Variants in HERC1 observed in about 807,000 individuals in gnomAD.
HERC1 encodes the protein probable E3 ubiquitin-protein ligase HERC1.
Under a neutral mutation model 554.3 loss-of-function variants are expected in HERC1, and 160 were observed. The observed-to-expected ratio is 0.29, with a 90% CI of 0.25 to 0.33. HERC1 has a LOEUF of 0.33. Ranked by LOEUF, HERC1 falls within the 10% of genes least tolerant of loss-of-function variation. The pLI, the probability that HERC1 is intolerant of heterozygous loss-of-function variation, is 1.00. For missense variants in HERC1, 4,919 were observed against 5,918.5 expected (o/e 0.83, Z 5.54); for synonymous variants, 2,175 against 2,131.7 (o/e 1.02, Z -0.56).
At chr15:63,784,940 T>G (rs2076395154) in intron 1 of HERC1, among the ~76,000 whole-genome samples, 1 of 152,200 alleles carries the variant, frequency 6.6e-6, no homozygotes, top group Admixed American at 6.5e-5. Context: ...AAAGCATTTT[T>G]AAAGAAATCC....
In HERC1 at chr15:63,652,584, A is replaced by G. The variant is rs758771535; in HGVS notation, c.10291-43T>C. ...GGTAGTCTAATAATTTTCTATTCAA[A>G]TGATTTTATTATTTGAAAAAGTTGT... On this transcript the variant is annotated intron_variant, in intron 51 of 77. Coordinates refer to ENST00000443617, the MANE Select transcript of HERC1 (RefSeq NM_003922.4). 9 of 1,449,974 alleles carry G rather than the reference A, an allele frequency of 6.2e-6. No individual in the cohort carries two copies. The East Asian group carries it at 2.0e-4, about 32-fold the overall frequency. The allele number at this position is 1,449,974 out of a possible 1,614,324, so 89.8% of individuals were successfully genotyped here. A position where few individuals can be genotyped will look rare whatever the true frequency, so the allele number is the denominator to read the frequency against.
intron 74 of HERC1, among the ~76,000 whole-genome samples, chr15:63,620,712 T>C (rs910858904): frequency 6.6e-5 from 10 of 152,126 alleles, no homozygotes; most frequent in Admixed American, 2.0e-4. Context: ...GGATAGTTAG[T>C]TCTTCTTGTT....
At position 63,675,098 on chromosome 15, in the gene HERC1, G is replaced by T; in HGVS notation, c.7090C>A (p.Pro2364Thr). The change falls in exon 38 of 78, where the codon CCT becomes ACT. Residue 2364 changes from proline (P) to threonine (T), a missense_variant. Coordinates refer to ENST00000443617, the MANE Select transcript of HERC1 (RefSeq NM_003922.4). ...AGATTATACAATGGAGTATCACTAG[G>T]CGACCAAAAAGTTGGGAAGCTTTAA... is the stretch of plus-strand genomic sequence containing the variant. ...ITISFPTFWSPSDTPLYNLEP... is the reference protein window; with the variant it reads ...ITISFPTFWSTSDTPLYNLEP... 1 of 1,587,568 alleles carries T rather than the reference G, an allele frequency of 6.3e-7. No individual in the cohort carries two copies. The highest frequency in any genetic ancestry group is 1.4e-5 in the African/African-American group (1 of 73,822).
intron 71 of HERC1, 70 bp from the exon 72 acceptor site, chr15:63,624,397 T>TA (rs2152768397): frequency 7.1e-7 from 1 of 1,400,216 alleles, no homozygotes; most frequent in East Asian, 2.3e-5. Context: ...TTTTCACTTA[T>TA]AGAACATACA....
At chr15:63,635,547 C>A (rs1408021908) in intron 65 of HERC1, among the ~76,000 whole-genome samples, 1 of 152,168 alleles carries the variant, frequency 6.6e-6, no homozygotes, top group African/African-American at 2.4e-5. Flanking sequence ...TACAATCTTA[C>A]AATATGATTT....
chr15:63,758,611 T>C lies in HERC1; in HGVS notation c.1027-242A>G, dbSNP rs1488885067. Among the ~76,000 whole-genome samples the C allele has an allele frequency of 6.6e-6, 1 of 152,198 alleles. No individual in the cohort carries two copies. The highest frequency in any genetic ancestry group is 2.4e-5 in the African/African-American group (1 of 41,458). ...ATCCTTTAGCTAAACATTTTATTAC[T>C]GCATACAAAACACTGTAGAAAAACA... On this transcript the variant is annotated intron_variant, in intron 3 of 77. Transcript: ENST00000443617. The surrounding 1 kb of genome is among the most constrained non-coding windows in gnomAD (Gnocchi z 4.0).
intron 22 of HERC1, among the ~76,000 whole-genome samples, chr15:63,715,511 C>T (rs942765287): frequency 6.6e-6 from 1 of 152,116 alleles, no homozygotes; most frequent in African/African-American, 2.4e-5. Flanking sequence ...TATGTTTAGT[C>T]TTGTTTCAAG....
Position 63,731,023 on chromosome 15 carries a change from T to C in HERC1, c.2869-1374A>G, listed in dbSNP as rs192778581. Among the ~76,000 whole-genome samples the C allele has an allele frequency of 3.2e-3, 492 of 152,338 alleles. 2 individuals are homozygous for C. Among genetic ancestry groups the C allele is most frequent in the Non-Finnish European group, 4.9e-3 (335 of 68,024 alleles). The stretch of plus-strand genomic sequence containing the variant: ...TCCTTTTAAAATATTTTTCATAATA[T>C]TGTACTGCATATTCTATTTTTGGTC... On this transcript the variant is annotated intron_variant, in intron 14 of 77. Coordinates refer to ENST00000443617, the MANE Select transcript of HERC1 (RefSeq NM_003922.4).
intron 39 of HERC1, among the ~76,000 whole-genome samples, chr15:63,670,379 C>T (rs1211669346): frequency 6.6e-6 from 1 of 152,206 alleles, no homozygotes; most frequent in Non-Finnish European, 1.5e-5. Flanking sequence ...AAGATCCACA[C>T]TGACTGCTCT....
chr15:63,719,913 ATAGTGAGTAAAC>A (rs2140441094), intron 19 of HERC1, among the ~76,000 whole-genome samples: 1 of 152,196 alleles, frequency 6.6e-6, no homozygotes, highest in South Asian at 2.1e-4. Flanking sequence ...TCTAGAGGAG[ATAGTGAGTAAAC>A]TAGTCAAATA....
chr15:63,615,981 T>TAAA (rs1292399007), intron 75 of HERC1, 61 bp from the exon 76 acceptor site: 1 of 1,324,870 alleles, frequency 7.5e-7, no homozygotes, highest in Non-Finnish European at 1.0e-6. Flanking sequence ...AAAAGTATTT[T>TAAA]ACATACAAAT....
chr15:63,633,555 G>T (rs990030414), intron 67 of HERC1, among the ~76,000 whole-genome samples: 1 of 152,172 alleles, frequency 6.6e-6, no homozygotes, highest in Non-Finnish European at 1.5e-5. Context: ...ACATCCTGGA[G>T]ATATGTTTCT....
intron 25 of HERC1, 105 bp from the exon 26 acceptor site, chr15:63,699,101 T>C: frequency 1.0e-6 from 1 of 990,976 alleles, no homozygotes; most frequent in Non-Finnish European, 1.5e-6. Context: ...TGGTGAAAAA[T>C]GGATACTCAT....
intron 17 of HERC1, among the ~76,000 whole-genome samples, chr15:63,726,684 T>C (rs1207518837): frequency 1.3e-5 from 2 of 152,152 alleles, no homozygotes; most frequent in East Asian, 1.9e-4. Flanking sequence ...AGAATGAGAA[T>C]TGCCAGAGTC....
chr15:63,638,786 A>AGG lies in HERC1; in HGVS notation c.11902-12_11902-11dup. 6.2e-7 allele frequency: 1 copy of AGG among 1,609,670 alleles called. No individual in the cohort carries two copies. Among genetic ancestry groups the AGG allele is most frequent in the Non-Finnish European group, 8.5e-7 (1 of 1,176,696 alleles). ...TCCATTTACTGTTATCCTGAAAAACAGGGGGTACATAATGATCAATTCTGC... is the reference window on the plus strand; with the variant it reads ...TCCATTTACTGTTATCCTGAAAAACAGGGGGGGTACATAATGATCAATTCTGC... On this transcript the variant is annotated splice_polypyrimidine_tract_variant and intron_variant, in intron 61 of 77. Coordinates refer to ENST00000443617, the MANE Select transcript of HERC1 (RefSeq NM_003922.4).
intron 16 of HERC1, among the ~76,000 whole-genome samples, chr15:63,728,392 T>C (rs2074122006): frequency 6.6e-6 from 1 of 152,224 alleles, no homozygotes; most frequent in Admixed American, 6.5e-5. Context: ...TCATTGTATA[T>C]CAGGGCAGAG....
chr15:63,651,204 C>T (rs1482196326), intron 53 of HERC1, 49 bp downstream of exon 53: 1 of 1,579,204 alleles, frequency 6.3e-7, no homozygotes, highest in Non-Finnish European at 8.7e-7. Context: ...AAGAAGAAGG[C>T]TTTAAAAAAC....
chr15:63,633,748 A>G (rs188238959), intron 67 of HERC1, 100 bp downstream of exon 67: 2 of 1,284,552 alleles, frequency 1.6e-6, no homozygotes, highest in Non-Finnish European at 2.1e-6. Context: ...ATGAACTACC[A>G]AAAGTACTAA....
chr15:63,626,120 G>A lies in HERC1; in HGVS notation c.13140C>T (p.Asp4380=), dbSNP rs761877909. 5 of 1,613,730 alleles carry A rather than the reference G, an allele frequency of 3.1e-6. No homozygotes were observed. In the East Asian group the frequency reaches 1.1e-4, roughly 36 times the overall value. ...GCGCCCCATACTGGGGGGGCACTGT[G>A]TCAGGCAGGCCCAGCTGCAGAGGTA... ...VSVPLQLGLP[D]TVPPQYGALR... The change falls in exon 71 of 78, where the codon GAC becomes GAT. Residue 4380 remains aspartate (D), a synonymous_variant. Coordinates refer to ENST00000443617, the MANE Select transcript of HERC1 (RefSeq NM_003922.4).
Sources: gnomAD v4.1 joint callset for allele counts (sites outside exome capture counted in the v4.1 genomes callset) on GRCh38, gnomAD v4.1.1 for gene constraint, Gnocchi (gnomAD v3.1) non-coding constraint, MANE v1.5 for transcripts, NCBI Gene and HGNC (gene_info 2026-07-23, HGNC 2026-07-21) for gene names.